Variants in HMGA1 observed in about 807,000 individuals in gnomAD.
HMGA1 encodes the protein high mobility group AT-hook 1.
HMGA1 carries 1 observed loss-of-function variant against 15.1 expected under a neutral mutation model. That is an observed-to-expected ratio of 0.07 (90% CI 0.02 to 0.31). The LOEUF (loss-of-function observed/expected upper bound fraction) is 0.31. HMGA1 is among the 10% of genes least tolerant of loss of function. HMGA1 has a pLI of 1.00. For synonymous variants in HMGA1, 56 were observed against 54.8 expected (o/e 1.02, Z -0.10); for missense variants, 94 against 141.4 (o/e 0.66, Z 1.70).
chr6:34,238,919 C>T (rs1044155784), intron 2 of HMGA1: 3 of 152,176 alleles, frequency 2.0e-5, no homozygotes, highest in Non-Finnish European at 4.4e-5. Context: ...CCAACTGGAA[C>T]CCCCTCGATG....
intron 3 of HMGA1, 33 bp from the exon 4 acceptor site, chr6:34,242,679 G>T: frequency 1.4e-6 from 2 of 1,456,058 alleles, no homozygotes; most frequent in South Asian, 2.4e-5. Flanking sequence ...AACAGGTGAT[G>T]ACTGTCCCTG....
At chr6:34,240,462 C>G (rs1017642572) in intron 2 of HMGA1, among the ~76,000 whole-genome samples, 2 of 152,084 alleles carry the variant, frequency 1.3e-5, no homozygotes, top group East Asian at 3.9e-4. Context: ...TCCTGGGACC[C>G]CCCCCACCAC....
In HMGA1 at chr6:34,243,569, G is replaced by A. The variant is rs1044586512; in HGVS notation, c.270+51G>A. On this transcript the variant is annotated intron_variant, in intron 5 of 5. Transcript: ENST00000311487. ...TGCCTCCTGGGCTCTTTTGAGTTGA[G>A]GGTGTTGAGTACACAGTACCTGATG... is the stretch of plus-strand genomic sequence containing the variant. 4.8e-6 allele frequency: 7 copies of A among 1,443,906 alleles called. No individual in the cohort carries two copies. In the African/African-American group the frequency reaches 8.4e-5, roughly 17 times the overall value. The allele number at this position is 1,443,906 out of a possible 1,614,324, so 89.4% of individuals were successfully genotyped here. A position where few individuals can be genotyped will look rare whatever the true frequency, so the allele number is the denominator to read the frequency against.
At position 34,237,330 on chromosome 6, in the gene HMGA1, C is replaced by T. The variant is rs1244499255; in HGVS notation, c.-45+13C>T. 1 of 146,124 alleles carries T rather than the reference C, an allele frequency of 6.8e-6. No homozygotes were observed. The highest frequency in any genetic ancestry group is 1.5e-5 in the Non-Finnish European group (1 of 65,880). 9.1% of individuals were successfully genotyped at this position (146,124 alleles called of 1,614,324 possible). Reference sequence around the variant, plus strand: ...GGCCGAGCTCGCGGTGAGTCGTCCCCGGGGCCCGCGGCGGCGGCGGCGGAG... The same window carrying T: ...GGCCGAGCTCGCGGTGAGTCGTCCCTGGGGCCCGCGGCGGCGGCGGCGGAG... On this transcript the variant is annotated intron_variant, in intron 2 of 5. Transcript: ENST00000311487.
chr6:34,244,734 G>C, intron 5 of HMGA1, 97 bp from the exon 6 acceptor site: 1 of 974,804 alleles, frequency 1.0e-6, no homozygotes, highest in Non-Finnish European at 1.6e-6. Flanking sequence ...CCCTCTTCAG[G>C]AGAGCCAGGG....
intron 4 of HMGA1, among the ~76,000 whole-genome samples, chr6:34,243,060 A>C (rs1762428848): frequency 6.6e-6 from 1 of 151,954 alleles, no homozygotes; most frequent in Non-Finnish European, 1.5e-5. Context: ...TGATCTAGAG[A>C]AGGGCAGAGT....
In HMGA1 at chr6:34,246,196, G is replaced by T; in HGVS notation, c.*1312G>T. 1 of 271,996 alleles carries T rather than the reference G, an allele frequency of 3.7e-6. No homozygotes were observed. Among genetic ancestry groups the T allele is most frequent in the Non-Finnish European group, 7.0e-6 (1 of 143,572 alleles). 16.8% of individuals were successfully genotyped at this position (271,996 alleles called of 1,614,324 possible). A position where few individuals can be genotyped will look rare whatever the true frequency, so the allele number is the denominator to read the frequency against. ...GGGCTCCCTCTCTGGTTTCCTATTTGCAGTTACTTGAATAAAAAAAATATC... is the reference window on the plus strand; with the variant it reads ...GGGCTCCCTCTCTGGTTTCCTATTTTCAGTTACTTGAATAAAAAAAATATC... On this transcript the variant is annotated 3_prime_UTR_variant, in exon 6 of 6. Coordinates refer to ENST00000311487, the MANE Select transcript of HMGA1 (RefSeq NM_145899.3).
intron 3 of HMGA1, 48 bp downstream of exon 3, chr6:34,240,963 G>A (rs1762255548): frequency 4.4e-6 from 7 of 1,606,952 alleles, no homozygotes; most frequent in Admixed American, 3.3e-5. Context: ...TTGGGGCTAG[G>A]GAGGTGCCTG....
In HMGA1 at chr6:34,242,137, G is replaced by C. The variant is rs1229051863; in HGVS notation, c.136-575G>C. Among the ~76,000 whole-genome samples, 3 of 152,162 alleles carry C rather than the reference G, an allele frequency of 2.0e-5. No homozygotes were observed. The East Asian group carries it at 5.8e-4, about 29-fold the overall frequency. On this transcript the variant is annotated intron_variant, in intron 3 of 5. Coordinates refer to ENST00000311487, the MANE Select transcript of HMGA1 (RefSeq NM_145899.3). ...CTATCTACGGCTTATTAAAATTTCAGTGGGAATGATGGCAGGGATCTCTGG... is the reference window on the plus strand; with the variant it reads ...CTATCTACGGCTTATTAAAATTTCACTGGGAATGATGGCAGGGATCTCTGG...
In HMGA1 at chr6:34,245,150, C is replaced by T. The variant is rs568187720; in HGVS notation, c.*266C>T. On this transcript the variant is annotated 3_prime_UTR_variant, in exon 6 of 6. Transcript: ENST00000311487. The stretch of plus-strand genomic sequence containing the variant: ...CGCCCACCCACGCATACACACATGC[C>T]CTCCTGGACAAGGCTAACATCCCAC... 4.2e-5 allele frequency: 62 copies of T among 1,477,080 alleles called. No homozygotes were observed. Among genetic ancestry groups the T allele is most frequent in the Non-Finnish European group, 5.2e-5 (58 of 1,109,388 alleles). The allele number at this position is 1,477,080 out of a possible 1,614,324, so 91.5% of individuals were successfully genotyped here. A position where few individuals can be genotyped will look rare whatever the true frequency, so the allele number is the denominator to read the frequency against.
rs759111273 is a variant in HMGA1, at chr6:34,244,994, C to T, written c.*110C>T. ...CCTTCCCCAGGCCCACCATCACCAC[C>T]GCCTCTGGCCGCCACCCCCATCTTC... is the stretch of plus-strand genomic sequence containing the variant. On this transcript the variant is annotated 3_prime_UTR_variant, in exon 6 of 6. Transcript: ENST00000311487. 1.6e-4 allele frequency: 241 copies of T among 1,544,576 alleles called. No individual in the cohort carries two copies. Among genetic ancestry groups the T allele is most frequent in the Middle Eastern group, 1.9e-4 (1 of 5,290 alleles).
Position 34,245,566 on chromosome 6 carries a change from G to T in HMGA1, c.*682G>T. ...AGTCCCCTACTCCCTCTTCACTGTG[G>T]CCACAGCCCCCTTGCCCTCCGCCTG... On this transcript the variant is annotated 3_prime_UTR_variant, in exon 6 of 6. Coordinates refer to ENST00000311487, the MANE Select transcript of HMGA1 (RefSeq NM_145899.3). 1 of 1,379,754 alleles carries T rather than the reference G, an allele frequency of 7.2e-7. No homozygotes were observed. The highest frequency in any genetic ancestry group is 1.2e-5 in the South Asian group (1 of 81,254). 85.5% of individuals were successfully genotyped at this position (1,379,754 alleles called of 1,614,324 possible). A position where few individuals can be genotyped will look rare whatever the true frequency, so the allele number is the denominator to read the frequency against.
intron 2 of HMGA1, 79 bp downstream of exon 2, chr6:34,237,396 G>T (rs1385027536): frequency 2.8e-5 from 4 of 144,450 alleles, no homozygotes; most frequent in Non-Finnish European, 6.1e-5. Context: ...CCCCTCCTGC[G>T]AGCCGCCCGG....
Position 34,238,327 on chromosome 6 carries a change from C to A in HMGA1, c.-45+1010C>A, listed in dbSNP as rs189857074. On this transcript the variant is annotated intron_variant, in intron 2 of 5. Transcript: ENST00000311487. ...CCGGGCGCAGACACTTGCAGAGTCA[C>A]CCTCGGGCCGGGTCTGGAGCCTGAT... 4.3e-3 allele frequency among the ~76,000 whole-genome samples: 648 copies of A among 152,318 alleles called. 9 individuals are homozygous for A. Among genetic ancestry groups the A allele is most frequent in the South Asian group, 0.025 (119 of 4,830 alleles).
chr6:34,242,659 A>C, intron 3 of HMGA1, 53 bp from the exon 4 acceptor site: 1 of 1,266,140 alleles, frequency 7.9e-7, no homozygotes, highest in Non-Finnish European at 1.1e-6. Context: ...GTGTCTTCTG[A>C]GGGGGTGGAA....
chr6:34,238,236 A>G (rs1367163192), intron 2 of HMGA1, among the ~76,000 whole-genome samples: 2 of 151,884 alleles, frequency 1.3e-5, no homozygotes, highest in East Asian at 3.9e-4. Context: ...CCGCGCCTGC[A>G]GGAGCGGCCT....
intron 4 of HMGA1, among the ~76,000 whole-genome samples, chr6:34,243,054 C>A (rs1012865781): frequency 2.0e-5 from 3 of 152,078 alleles, no homozygotes; most frequent in Non-Finnish European, 4.4e-5. Flanking sequence ...CTTTCCTGAT[C>A]TAGAGAAGGG....
intron 2 of HMGA1, among the ~76,000 whole-genome samples, chr6:34,237,730 A>G (rs1322441422): frequency 6.7e-6 from 1 of 149,966 alleles, no homozygotes; most frequent in Non-Finnish European, 1.5e-5. Flanking sequence ...GGGCGGGGAG[A>G]GACACGGGCT....
At chr6:34,244,485 G>A (rs1762559218) in intron 5 of HMGA1, among the ~76,000 whole-genome samples, 1 of 151,818 alleles carries the variant, frequency 6.6e-6, no homozygotes, top group Non-Finnish European at 1.5e-5. Flanking sequence ...TCCTCCCCCA[G>A]CCACCTCTTC....
Sources: gnomAD v4.1 joint callset for allele counts (sites outside exome capture counted in the v4.1 genomes callset) on GRCh38, gnomAD v4.1.1 for gene constraint, MANE v1.5 for transcripts, NCBI Gene and HGNC (gene_info 2026-07-23, HGNC 2026-07-21) for gene names.